Variants in BOC observed in about 807,000 individuals in gnomAD.
BOC encodes the protein brother of CDO.
In BOC, 76 loss-of-function variants were observed where a neutral mutation model predicts 112.0. The observed-to-expected ratio is 0.68, with a 90% CI of 0.56 to 0.82. The LOEUF is 0.82. BOC is among the 40% of genes least tolerant of loss of function. The pLI is 0.00. For missense variants in BOC, 1,309 were observed against 1,511.7 expected, an observed-to-expected ratio of 0.87 and a Z score of 2.22; for synonymous variants, 580 against 599.8, an observed-to-expected ratio of 0.97 and a Z score of 0.48.
chr3:113,229,058 C>T (rs1028568263), intron 2 of BOC, among the ~76,000 whole-genome samples: 1 of 152,212 alleles, frequency 6.6e-6, no homozygotes, highest in South Asian at 2.1e-4. Context: ...CAGCAGGCAG[C>T]TTCATTCCTG....
chr3:113,281,756 G>A (rs16860784), intron 15 of BOC, among the ~76,000 whole-genome samples: 1 of 151,704 alleles, frequency 6.6e-6, no homozygotes, highest in Non-Finnish European at 1.5e-5. Flanking sequence ...AACATAATCA[G>A]GAGAAGATCA....
rs186689421 is a variant in BOC at position 113,242,347 on chromosome 3, A to C, written c.-81-7375A>C. ...TAGATTTTTTTTGAAATCTCTTAAA[A>C]GAAATGAGGTCATTTTGGGGAAGAG... is the stretch of plus-strand genomic sequence containing the variant. On this transcript the variant is annotated intron_variant, in intron 2 of 19. Coordinates refer to ENST00000682979, the MANE Select transcript of BOC (RefSeq NM_001378074.1). Among the ~76,000 whole-genome samples, 81 of 152,276 alleles carry C rather than the reference A, an allele frequency of 5.3e-4. No individual in the cohort carries two copies. In the East Asian group the frequency reaches 0.013, roughly 24 times the overall value.
At chr3:113,215,743 G>T (rs185939986) in intron 1 of BOC, among the ~76,000 whole-genome samples, 3 of 152,306 alleles carry the variant, frequency 2.0e-5, no homozygotes, top group Admixed American at 6.5e-5. Context: ...CCTACCTCAT[G>T]ATAGTATTAC....
chr3:113,243,630 A>T (rs1249166043), intron 2 of BOC, among the ~76,000 whole-genome samples: 1 of 152,210 alleles, frequency 6.6e-6, no homozygotes, highest in Non-Finnish European at 1.5e-5. Flanking sequence ...ACTGTTACAG[A>T]TAAACCCAAC....
intron 9 of BOC, among the ~76,000 whole-genome samples, chr3:113,276,939 G>T (rs761438781): frequency 2.0e-5 from 3 of 152,172 alleles, no homozygotes; most frequent in Non-Finnish European, 4.4e-5. Flanking sequence ...AGGTTCTCTG[G>T]GGTGTAGAGT....
intron 4 of BOC, among the ~76,000 whole-genome samples, chr3:113,259,477 T>C (rs1360410765): frequency 1.3e-5 from 2 of 152,154 alleles, no homozygotes; most frequent in Non-Finnish European, 2.9e-5. Flanking sequence ...ATGCTTTCTT[T>C]AGAACAAAAA....
At chr3:113,273,048 C>A in intron 7 of BOC, 21 bp from the exon 8 acceptor site, 1 of 1,584,412 alleles carries the variant, frequency 6.3e-7, no homozygotes, top group Non-Finnish European at 8.6e-7. Context: ...CCCTTCTCAC[C>A]CTGCTCTGGT....
At chr3:113,232,849 T>C (rs1023688755) in intron 2 of BOC, among the ~76,000 whole-genome samples, 7 of 152,228 alleles carry the variant, frequency 4.6e-5, no homozygotes, top group African/African-American at 1.7e-4. Flanking sequence ...CAGTCATTGT[T>C]ATAGATGTTT....
rs997359233 is a variant in BOC, at chr3:113,274,273, AG to A, written c.1235-100del. 1.7e-6 allele frequency: 2 copies of A among 1,161,322 alleles called. No individual in the cohort carries two copies. The highest frequency in any genetic ancestry group is 2.7e-5 in the Admixed American group (1 of 37,564). 71.9% of individuals were successfully genotyped at this position (1,161,322 alleles called of 1,614,324 possible). Reference sequence around the variant, plus strand: ...TGGCGGTACAGCTGATGGTGGGCCCAGGTTGCCTCTCTGTCTTCTTTCTGTT... The same window carrying A: ...TGGCGGTACAGCTGATGGTGGGCCCAGTTGCCTCTCTGTCTTCTTTCTGTT... On this transcript the variant is annotated intron_variant, in intron 8 of 19. Transcript: ENST00000682979. This position sits in a 1 kb window ranked among gnomAD's most constrained non-coding sequence, Gnocchi z 4.8.
intron 2 of BOC, among the ~76,000 whole-genome samples, chr3:113,240,570 TAAAGTTTCAACTATAGGGAAATATATG>T (rs1211387383): frequency 6.6e-6 from 1 of 152,224 alleles, no homozygotes; most frequent in Non-Finnish European, 1.5e-5. Context: ...ACCATAGGAT[TAAAGTTTCAACTATAGGGAAATATATG>T]AAAGTTCTTT....
At chr3:113,231,185 A>C (rs763455212) in intron 2 of BOC, among the ~76,000 whole-genome samples, 1 of 152,196 alleles carries the variant, frequency 6.6e-6, no homozygotes, top group Non-Finnish European at 1.5e-5. Flanking sequence ...TGGCATGAGA[A>C]TATTTGGAGA....
rs1241790400 is a variant in BOC at position 113,259,868 on chromosome 3, T to C, written c.377-8431T>C. Among the ~76,000 whole-genome samples the C allele has an allele frequency of 2.0e-5, 3 of 152,198 alleles. No individual in the cohort carries two copies. The East Asian group carries it at 5.8e-4, about 29-fold the overall frequency. On this transcript the variant is annotated intron_variant, in intron 4 of 19. Coordinates refer to ENST00000682979, the MANE Select transcript of BOC (RefSeq NM_001378074.1). The stretch of plus-strand genomic sequence containing the variant: ...CCACTTTCCATCGCGCACTTTCTCC[T>C]AGCTTTCAGAATGGTGGTCCCTCAG...
intron 4 of BOC, chr3:113,251,143 G>A (rs546149903): frequency 4.1e-5 from 23 of 565,930 alleles, no homozygotes; most frequent in African/African-American, 1.7e-4. Flanking sequence ...GGGCCGTGCC[G>A]TGCCTTCCTA....
chr3:113,224,774 C>A (rs1237362759), intron 2 of BOC, among the ~76,000 whole-genome samples: 2 of 152,134 alleles, frequency 1.3e-5, no homozygotes, highest in African/African-American at 4.8e-5. Flanking sequence ...GCCTGGCCAA[C>A]GTGGCGAAAC....
At chr3:113,255,840 C>T (rs573421339) in intron 4 of BOC, among the ~76,000 whole-genome samples, 38 of 152,206 alleles carry the variant, frequency 2.5e-4, no homozygotes, top group South Asian at 1.2e-3. Flanking sequence ...CCCTTTGTTA[C>T]CATAATTTAA....
At chr3:113,275,466 C>G (rs898022539) in intron 9 of BOC, among the ~76,000 whole-genome samples, 1 of 152,194 alleles carries the variant, frequency 6.6e-6, no homozygotes, top group African/African-American at 2.4e-5. Flanking sequence ...TGCCGTTACC[C>G]CACAGGGATG....
In BOC at chr3:113,286,932, CAG is replaced by C. The variant is rs949575152; in HGVS notation, c.*74_*75del. ...AAAAAAAAAAAGAAGAAAAAAGAGA[CAG>C]AGAAAATTGGTATTTATTTTTCTAT... On this transcript the variant is annotated 3_prime_UTR_variant, in exon 20 of 20. Transcript: ENST00000682979. 1.4e-5 allele frequency: 19 copies of C among 1,348,410 alleles called. No individual in the cohort carries two copies. Among genetic ancestry groups the C allele is most frequent in the South Asian group, 1.3e-4 (9 of 67,370 alleles). The allele number at this position is 1,348,410 out of a possible 1,614,324, so 83.5% of individuals were successfully genotyped here.
intron 4 of BOC, among the ~76,000 whole-genome samples, chr3:113,252,564 G>A (rs762193587): frequency 5.9e-5 from 9 of 152,160 alleles, no homozygotes; most frequent in Non-Finnish European, 8.8e-5. Flanking sequence ...AAGCCCCTAC[G>A]TGCCCTCCAG....
chr3:113,265,009 G>A (rs1400591149), intron 4 of BOC, among the ~76,000 whole-genome samples: 6 of 152,190 alleles, frequency 3.9e-5, no homozygotes, highest in African/African-American at 7.2e-5. Flanking sequence ...CTGTCTGGCC[G>A]CATGGCTGAC....
Sources: gnomAD v4.1 joint callset for allele counts (sites outside exome capture counted in the v4.1 genomes callset) on GRCh38, gnomAD v4.1.1 for gene constraint, Gnocchi (gnomAD v3.1) non-coding constraint, MANE v1.5 for transcripts, NCBI Gene and HGNC (gene_info 2026-07-23, HGNC 2026-07-21) for gene names.